Variants in IQCM observed in about 807,000 individuals in gnomAD.
IQCM encodes the protein IQ motif containing M.
In IQCM, 45 loss-of-function variants were observed where a neutral mutation model predicts 57.6. The observed-to-expected ratio is 0.78, with a 90% CI of 0.62 to 1.00. IQCM has a LOEUF of 1.00. Ranked by LOEUF, IQCM falls within the 50% of genes least tolerant of loss-of-function variation. The pLI is 0.00. For synonymous variants in IQCM, 148 were observed against 158.9 expected, an observed-to-expected ratio of 0.93 and a Z score of 0.51; for missense variants, 468 against 511.6, an observed-to-expected ratio of 0.91 and a Z score of 0.82.
intron 13 of IQCM, among the ~76,000 whole-genome samples, chr4:149,390,020 T>G (rs1731733916): frequency 6.6e-6 from 1 of 152,026 alleles, no homozygotes; most frequent in Non-Finnish European, 1.5e-5. Flanking sequence ...ACTTAGATTT[T>G]ATATGGATTG....
chr4:149,742,016 A>G (rs1028398986), intron 3 of IQCM, among the ~76,000 whole-genome samples: 1 of 152,068 alleles, frequency 6.6e-6, no homozygotes, highest in Non-Finnish European at 1.5e-5. Flanking sequence ...TGTAATTTAA[A>G]TTTTTCTGGT....
intron 13 of IQCM, among the ~76,000 whole-genome samples, chr4:149,380,911 GA>G (rs1731033523): frequency 6.6e-6 from 1 of 152,066 alleles, no homozygotes; most frequent in East Asian, 1.9e-4. Context: ...GTTTAGTTGA[GA>G]AAAAAGTTTC....
At chr4:149,778,259 C>A (rs534849361) in intron 2 of IQCM, among the ~76,000 whole-genome samples, 1 of 152,006 alleles carries the variant, frequency 6.6e-6, no homozygotes, top group African/African-American at 2.4e-5. Context: ...GCCTGTAGTC[C>A]CAGCTACTCA....
intron 13 of IQCM, among the ~76,000 whole-genome samples, chr4:149,385,433 A>T (rs1451989017): frequency 6.6e-6 from 1 of 152,034 alleles, no homozygotes; most frequent in African/African-American, 2.4e-5. Flanking sequence ...AATAGAGGTG[A>T]CCCTTGAGCT....
chr4:149,548,656 T>C (rs1748702335), intron 11 of IQCM, 67 bp from the exon 12 acceptor site: 1 of 773,814 alleles, frequency 1.3e-6, no homozygotes, highest in South Asian at 6.8e-5. Flanking sequence ...ACTTTAACTC[T>C]AGCTTTATTT....
chr4:149,604,875 G>A (rs997937362), intron 8 of IQCM, among the ~76,000 whole-genome samples: 5 of 152,100 alleles, frequency 3.3e-5, no homozygotes, highest in East Asian at 1.9e-4. Flanking sequence ...GTGATGGGGG[G>A]TGGGAGGAGG....
At chr4:149,404,739 G>T (rs1732862094) in intron 13 of IQCM, among the ~76,000 whole-genome samples, 1 of 152,002 alleles carries the variant, frequency 6.6e-6, no homozygotes, top group African/African-American at 2.4e-5. Context: ...AAAGAATGTA[G>T]TCTCCAAGGG....
intron 7 of IQCM, among the ~76,000 whole-genome samples, chr4:149,676,893 A>C (rs1761795789): frequency 1.3e-5 from 2 of 152,002 alleles, no homozygotes; most frequent in East Asian, 1.9e-4. Context: ...GAAAACCATA[A>C]ACAAATATAC....
At chr4:149,387,143 T>G (rs1487935067) in intron 13 of IQCM, among the ~76,000 whole-genome samples, 1 of 151,970 alleles carries the variant, frequency 6.6e-6, no homozygotes, top group Admixed American at 6.6e-5. Context: ...AAGATCAAGG[T>G]ATTAGCAGAT....
At chr4:149,427,585 C>T (rs538696215) in intron 13 of IQCM, among the ~76,000 whole-genome samples, 1 of 152,094 alleles carries the variant, frequency 6.6e-6, no homozygotes, top group African/African-American at 2.4e-5. Flanking sequence ...CCTAATTCAT[C>T]ACCCTAATAC....
chr4:149,372,226 G>A (rs577524769), intron 13 of IQCM, among the ~76,000 whole-genome samples: 64 of 152,194 alleles, frequency 4.2e-4, no homozygotes, highest in African/African-American at 1.4e-3. Flanking sequence ...TTATTTGTAA[G>A]CTTAGTTGTA....
intron 10 of IQCM, among the ~76,000 whole-genome samples, chr4:149,560,643 A>G (rs192704533): frequency 1.3e-5 from 2 of 152,316 alleles, no homozygotes; most frequent in East Asian, 3.9e-4. Context: ...TCATATTAAA[A>G]TATAGCAATC....
At chr4:149,674,142 C>T (rs1239121349) in intron 7 of IQCM, among the ~76,000 whole-genome samples, 1 of 152,060 alleles carries the variant, frequency 6.6e-6, no homozygotes, top group Admixed American at 6.6e-5. Flanking sequence ...CAAAAACACA[C>T]TGATGATTTT....
At chr4:149,600,968 T>C (rs1754223184) in intron 8 of IQCM, among the ~76,000 whole-genome samples, 1 of 152,314 alleles carries the variant, frequency 6.6e-6, no homozygotes, top group Non-Finnish European at 1.5e-5. Context: ...ATCTCATTCC[T>C]CAACTTTCAC....
At chr4:149,565,309 A>C (rs1415763947) in intron 9 of IQCM, among the ~76,000 whole-genome samples, 1 of 152,052 alleles carries the variant, frequency 6.6e-6, no homozygotes, top group Non-Finnish European at 1.5e-5. Context: ...TTTATTCTTA[A>C]GTCTTGTTCT....
intron 13 of IQCM, among the ~76,000 whole-genome samples, chr4:149,421,131 T>C (rs1258004596): frequency 6.6e-6 from 1 of 152,102 alleles, no homozygotes; most frequent in East Asian, 1.9e-4. Context: ...TAGATAGAAA[T>C]CTATTCAATG....
At chr4:149,734,484 C>A (rs902201552) in intron 4 of IQCM, among the ~76,000 whole-genome samples, 1 of 151,978 alleles carries the variant, frequency 6.6e-6, no homozygotes, top group Non-Finnish European at 1.5e-5. Flanking sequence ...GTATGTATGG[C>A]CAGTCTTGGC....
chr4:149,422,599 G>A (rs1327988746), intron 13 of IQCM, among the ~76,000 whole-genome samples: 1 of 152,052 alleles, frequency 6.6e-6, no homozygotes, highest in African/African-American at 2.4e-5. Flanking sequence ...GGGAGATTGT[G>A]CATGTGCGTG....
chr4:149,392,099 G>A (rs974519295), intron 13 of IQCM, among the ~76,000 whole-genome samples: 1 of 141,230 alleles, frequency 7.1e-6, no homozygotes, highest in African/African-American at 2.6e-5. Context: ...TTGTTCAGTT[G>A]TCTATTTCTC....
Sources: allele counts gnomAD v4.1 joint callset (sites outside exome capture counted in the v4.1 genomes callset), GRCh38; gene constraint gnomAD v4.1.1; transcripts MANE v1.5; gene names NCBI Gene and HGNC (gene_info 2026-07-23, HGNC 2026-07-21).